ARHGAP26: variants seen among roughly 807,000 people sequenced by gnomAD.
ARHGAP26 encodes rho GTPase-activating protein 26.
In ARHGAP26, 38 loss-of-function variants were observed where a neutral mutation model predicts 104.8. The ratio of observed to expected loss-of-function variants is 0.36; its 90% CI spans 0.28 to 0.48. The LOEUF (loss-of-function observed/expected upper bound fraction) is 0.48. ARHGAP26 is among the 20% of genes least tolerant of loss of function. The pLI is 0.99. For synonymous variants in ARHGAP26, 341 were observed against 340.0 expected, an observed-to-expected ratio of 1.00 and a Z score of -0.03; for missense variants, 704 against 947.9, an observed-to-expected ratio of 0.74 and a Z score of 3.38.
At chr5:142,846,955 A>G (rs1772087222) in intron 1 of ARHGAP26, among the ~76,000 whole-genome samples, 1 of 152,162 alleles carries the variant, frequency 6.6e-6, no homozygotes, top group Non-Finnish European at 1.5e-5. Context: ...GAACAACCTT[A>G]TGAGGTGGGT....
intron 1 of ARHGAP26, among the ~76,000 whole-genome samples, chr5:142,866,209 G>A (rs1371428059): frequency 6.6e-6 from 1 of 152,032 alleles, no homozygotes; most frequent in Non-Finnish European, 1.5e-5. Flanking sequence ...CTTAAGGCAC[G>A]GAATGTATAC....
chr5:143,214,013 G>A lies in ARHGAP26; in HGVS notation c.2116G>A (p.Ala706Thr). ...TTCACACAGCACACCGTTCCGGAAG[G>A]CAAAAGCCTTGTATGCCTGCAAAGC... is the stretch of plus-strand genomic sequence containing the variant. ...SSPVSTPFRK[A>T]KALYACKAEH... Residue 706 changes from alanine to threonine, a missense_variant, in exon 22 of 23, where the codon GCA (alanine) becomes ACA (threonine). This residue lies in a region of ARHGAP26 where 217 missense variants were observed against 242.6 expected (regional missense o/e 0.89). Coordinates refer to ENST00000645722, the MANE Select transcript of ARHGAP26 (RefSeq NM_001135608.3). 6.3e-7 allele frequency: 1 copy of A among 1,589,958 alleles called. No individual in the cohort carries two copies. Among genetic ancestry groups the A allele is most frequent in the Non-Finnish European group, 8.6e-7 (1 of 1,163,448 alleles).
intron 1 of ARHGAP26, among the ~76,000 whole-genome samples, chr5:142,852,350 C>T (rs1204903821): frequency 3.3e-5 from 5 of 152,164 alleles, no homozygotes; most frequent in African/African-American, 9.7e-5. Flanking sequence ...ATGGAATTGG[C>T]CCTCCTCACA....
chr5:143,203,657 G>A lies in ARHGAP26; in HGVS notation c.1989-3541G>A, dbSNP rs190990416. Reference sequence around the variant, plus strand: ...TTGCAGCACTGTTCACAATAGCAAAGACTTGGAACCAACCCAAATGCCCAT... The same window carrying A: ...TTGCAGCACTGTTCACAATAGCAAAAACTTGGAACCAACCCAAATGCCCAT... On this transcript the variant is annotated intron_variant, in intron 20 of 22. Coordinates refer to ENST00000645722, the MANE Select transcript of ARHGAP26 (RefSeq NM_001135608.3). 513 of 152,292 alleles carry A rather than the reference G, an allele frequency of 3.4e-3. 2 individuals are homozygous for A. Among genetic ancestry groups the A allele is most frequent in the African/African-American group, 0.012 (500 of 41,548 alleles). The allele number at this position is 152,292 out of a possible 1,614,324, so 9.4% of individuals were successfully genotyped here. A position where few individuals can be genotyped will look rare whatever the true frequency, so the allele number is the denominator to read the frequency against.
chr5:142,781,717 A>G (rs1037668087), intron 1 of ARHGAP26, among the ~76,000 whole-genome samples: 5 of 152,196 alleles, frequency 3.3e-5, no homozygotes, highest in East Asian at 1.9e-4. Flanking sequence ...TGCAGAATTC[A>G]TGGCTTTTTT....
At position 142,890,179 on chromosome 5, in the gene ARHGAP26, T is replaced by A. The variant is rs1389127834; in HGVS notation, c.487-4059T>A. Among the ~76,000 whole-genome samples the A allele has an allele frequency of 8.7e-4, 97 of 111,676 alleles. 2 individuals are homozygous for A. Among genetic ancestry groups the A allele is most frequent in the South Asian group, 2.1e-3 (7 of 3,374 alleles). The allele number at this position is 111,676 out of a possible 152,430, so 73.3% of individuals were successfully genotyped here. On this transcript the variant is annotated intron_variant, in intron 5 of 22. Coordinates refer to ENST00000645722, the MANE Select transcript of ARHGAP26 (RefSeq NM_001135608.3). ...ATATATATATATATATATATATATA[T>A]ATATATATATATATATATGAAAGTG...
chr5:142,908,089 T>C (rs531095506), intron 9 of ARHGAP26, among the ~76,000 whole-genome samples: 2 of 152,296 alleles, frequency 1.3e-5, no homozygotes, highest in East Asian at 1.9e-4. Flanking sequence ...TATTTTTATA[T>C]GCTGAAAATT....
At position 143,014,162 on chromosome 5, in the gene ARHGAP26, AG is replaced by A. The variant is rs771984236; in HGVS notation, c.1144+48del. 2.5e-6 allele frequency: 4 copies of A among 1,609,286 alleles called. No homozygotes were observed. The South Asian group carries it at 4.4e-5, about 18-fold the overall frequency. ...ACCTTCTACAGCCAGGGTTGGGAGTAGGCTTTGAGAAGTTGCTACTCCAGGT... is the reference window on the plus strand; with the variant it reads ...ACCTTCTACAGCCAGGGTTGGGAGTAGCTTTGAGAAGTTGCTACTCCAGGT... On this transcript the variant is annotated intron_variant, in intron 12 of 22. Coordinates refer to ENST00000645722, the MANE Select transcript of ARHGAP26 (RefSeq NM_001135608.3).
intron 1 of ARHGAP26, among the ~76,000 whole-genome samples, chr5:142,857,280 T>G (rs1752517148): frequency 6.6e-6 from 1 of 152,188 alleles, no homozygotes; most frequent in Non-Finnish European, 1.5e-5. Context: ...GAGGGTACTA[T>G]CCACTACAGG....
Position 143,127,618 on chromosome 5 carries a change from T to A in ARHGAP26, c.1699-6349T>A, listed in dbSNP as rs532521905. Reference sequence around the variant, plus strand: ...ACTAAGCACTAAATCCTAAGCAACCTCGCATTCCCAATAAAATGCTAGTGA... The same window carrying A: ...ACTAAGCACTAAATCCTAAGCAACCACGCATTCCCAATAAAATGCTAGTGA... On this transcript the variant is annotated intron_variant, in intron 18 of 22. Coordinates refer to ENST00000645722, the MANE Select transcript of ARHGAP26 (RefSeq NM_001135608.3). 4.6e-5 allele frequency among the ~76,000 whole-genome samples: 7 copies of A among 152,280 alleles called. No homozygotes were observed. The East Asian group carries it at 1.3e-3, about 29-fold the overall frequency.
At position 142,827,073 on chromosome 5, in the gene ARHGAP26, A is replaced by G. The variant is rs1289153716; in HGVS notation, c.155-46327A>G. On this transcript the variant is annotated intron_variant, in intron 1 of 22. Transcript: ENST00000645722. ...ATTTCCTTTGGGTTGGCTGTTTTTC[A>G]TCTCCTGTGAATGGGGAAACTGAGC... is the stretch of plus-strand genomic sequence containing the variant. Among the ~76,000 whole-genome samples, 3 of 148,690 alleles carry G rather than the reference A, an allele frequency of 2.0e-5. No homozygotes were observed. In the East Asian group the frequency reaches 5.8e-4, roughly 29 times the overall value.
intron 11 of ARHGAP26, among the ~76,000 whole-genome samples, chr5:142,961,990 A>G (rs1328966453): frequency 2.0e-5 from 3 of 152,204 alleles, no homozygotes; most frequent in Admixed American, 6.5e-5. Context: ...AACCCTCAGC[A>G]TTCCCAGGTT....
chr5:142,934,538 T>G (rs1392652608), intron 11 of ARHGAP26, among the ~76,000 whole-genome samples: 2 of 152,214 alleles, frequency 1.3e-5, no homozygotes, highest in Non-Finnish European at 2.9e-5. Context: ...TAGGGGACAT[T>G]ACTAGAGATA....
chr5:143,214,060 G>C lies in ARHGAP26; in HGVS notation c.2163G>C (p.Ser721=). ...AAGCTGAACATGACTCAGAACTTTC[G>C]TTCACAGCAGGCACGGTCTTCGATA... ...ACKAEHDSEL[S]FTAGTVFDNV... The change falls in exon 22 of 23, where the codon TCG becomes TCC. Residue 721 remains serine, a synonymous_variant. Transcript: ENST00000645722. 1.9e-6 allele frequency: 3 copies of C among 1,562,100 alleles called. No individual in the cohort carries two copies. Among genetic ancestry groups the C allele is most frequent in the Middle Eastern group, 3.4e-4 (2 of 5,916 alleles).
At chr5:143,075,011 CTG>C (rs1244151927) in intron 17 of ARHGAP26, among the ~76,000 whole-genome samples, 2 of 152,184 alleles carry the variant, frequency 1.3e-5, no homozygotes, top group Admixed American at 6.5e-5. Flanking sequence ...AGGAGGAGGA[CTG>C]TGACTGCCTG....
rs368291138 is a variant in ARHGAP26 at position 143,090,155 on chromosome 5, C to T, written c.1539-30833C>T. ...GCTGGATGGCCCTTGGGGGCTGACCCGCAGGGTGCCGGACTTCGGGATATA... is the reference window on the plus strand; with the variant it reads ...GCTGGATGGCCCTTGGGGGCTGACCTGCAGGGTGCCGGACTTCGGGATATA... On this transcript the variant is annotated intron_variant, in intron 17 of 22. Coordinates refer to ENST00000645722, the MANE Select transcript of ARHGAP26 (RefSeq NM_001135608.3). Among the ~76,000 whole-genome samples the T allele has an allele frequency of 3.5e-3, 531 of 152,346 alleles. 4 individuals are homozygous for T. The highest frequency in any genetic ancestry group is 0.011 in the African/African-American group (460 of 41,576).
At chr5:143,043,403 A>G (rs559186300) in intron 14 of ARHGAP26, among the ~76,000 whole-genome samples, 6 of 152,308 alleles carry the variant, frequency 3.9e-5, no homozygotes, top group African/African-American at 1.4e-4. Context: ...GCTGAGTAAT[A>G]TTCCATTGTA....
intron 1 of ARHGAP26, among the ~76,000 whole-genome samples, chr5:142,821,470 C>T (rs1561899565): frequency 6.6e-6 from 1 of 151,876 alleles, no homozygotes. Context: ...CCTTGACTTC[C>T]ATTATAGTCT....
At chr5:143,124,583 C>T (rs573009556) in intron 18 of ARHGAP26, among the ~76,000 whole-genome samples, 1 of 152,316 alleles carries the variant, frequency 6.6e-6, no homozygotes, top group South Asian at 2.1e-4. Context: ...ACAAGACCCC[C>T]CTCTTTCCAG....
Sources: allele counts gnomAD v4.1 joint callset (sites outside exome capture counted in the v4.1 genomes callset), GRCh38; gene constraint gnomAD v4.1.1; regional missense constraint gnomAD v4.1.1; transcripts MANE v1.5; gene names NCBI Gene and HGNC (gene_info 2026-07-23, HGNC 2026-07-21).